BHMT: variants seen among roughly 807,000 people sequenced by gnomAD.
The protein encoded by BHMT is betaine--homocysteine S-methyltransferase.
In BHMT, 38 loss-of-function variants were observed where a neutral mutation model predicts 49.5. That is an observed-to-expected ratio of 0.77 (90% CI 0.59 to 1.01). The LOEUF is 1.01. Ranked by LOEUF, BHMT falls within the 50% of genes least tolerant of loss-of-function variation. The probability of loss-of-function intolerance (pLI) is 0.00; values close to 1 mark genes in which losing one functional copy is unlikely to be tolerated. For missense variants in BHMT, 426 were observed against 495.7 expected (o/e 0.86, Z 1.34); for synonymous variants, 166 against 176.3 (o/e 0.94, Z 0.46).
At chr5:79,119,207 A>G (rs1335893656) in intron 2 of BHMT, 52 bp from the exon 3 acceptor site, 1 of 1,368,296 alleles carries the variant, frequency 7.3e-7, no homozygotes, top group Non-Finnish European at 1.0e-6. Flanking sequence ...CCATTTGAAA[A>G]TATCGTGTGT....
chr5:79,119,536 G>C, intron 3 of BHMT, 159 bp downstream of exon 3: 1 of 507,486 alleles, frequency 2.0e-6, no homozygotes, highest in Non-Finnish European at 3.4e-6. Context: ...GTTTTATTTA[G>C]CTGGAATCCC....
rs192668223 is a variant in BHMT at position 79,114,189 on chromosome 5, A to G, written c.34-1578A>G. Among the ~76,000 whole-genome samples, 34 of 151,820 alleles carry G rather than the reference A, an allele frequency of 2.2e-4. No homozygotes were observed. In the East Asian group the frequency reaches 6.0e-3, roughly 27 times the overall value. On this transcript the variant is annotated intron_variant, in intron 1 of 7. Transcript: ENST00000274353. Reference sequence around the variant, plus strand: ...CAGTTTTCAGATGTGACATTTAGATACATTGCAATCATGACAAATATTTGG... The same window carrying G: ...CAGTTTTCAGATGTGACATTTAGATGCATTGCAATCATGACAAATATTTGG...
intron 1 of BHMT, 22 bp from the exon 2 acceptor site, chr5:79,115,745 C>T: frequency 6.4e-7 from 1 of 1,570,750 alleles, no homozygotes; most frequent in Non-Finnish European, 8.6e-7. Flanking sequence ...AACTCCTTTT[C>T]CTCCCTCATC....
At position 79,131,385 on chromosome 5, in the gene BHMT, T is replaced by A. The variant is rs585800; in HGVS notation, c.*269T>A. On this transcript the variant is annotated 3_prime_UTR_variant, in exon 8 of 8. Transcript: ENST00000274353. The stretch of plus-strand genomic sequence containing the variant: ...TGAAAAGTATTATGGAAATCACTGC[T>A]GCACAGGAAAAGTAATTCAGATGTT... The A allele has an allele frequency of 0.79, 250,950 of 319,430 alleles. 100,039 individuals are homozygous for A. Among genetic ancestry groups the A allele is most frequent in the African/African-American group, 0.95 (44,255 of 46,454 alleles). The allele number at this position is 319,430 out of a possible 1,614,324, so 19.8% of individuals were successfully genotyped here.
At chr5:79,120,951 G>GA (rs1756458564) in intron 4 of BHMT, among the ~76,000 whole-genome samples, 1 of 151,988 alleles carries the variant, frequency 6.6e-6, no homozygotes, top group African/African-American at 2.4e-5. Flanking sequence ...AGGAGTTTGA[G>GA]AACAGCCTGG....
intron 4 of BHMT, 109 bp downstream of exon 4, chr5:79,120,650 A>G (rs1756453797): frequency 2.0e-6 from 2 of 990,642 alleles, no homozygotes; most frequent in Non-Finnish European, 2.8e-6. Context: ...AACTAGCAAT[A>G]GTAATATTTA....
chr5:79,115,291 T>A (rs1485563767), intron 1 of BHMT, among the ~76,000 whole-genome samples: 1 of 150,212 alleles, frequency 6.7e-6, no homozygotes, highest in Admixed American at 6.6e-5. Flanking sequence ...CATAGTGAGA[T>A]GCTGTCTCTA....
At chr5:79,119,421 C>G (rs967164768) in intron 3 of BHMT, 44 bp downstream of exon 3, 3 of 1,470,994 alleles carry the variant, frequency 2.0e-6, no homozygotes, top group African/African-American at 2.8e-5. Flanking sequence ...ATATTGTCGA[C>G]CTATTGCATC....
rs746214231 is a variant in BHMT at position 79,111,895 on chromosome 5, G to A, written c.10G>A (p.Val4Ile). Reference protein sequence around the residue: MPPVGGKKAKKGIL... With the variant: MPPIGGKKAKKGIL... ...TCTGGACACCACGAAGATGCCACCC[G>A]TTGGGGGCAAAAAGGCCAAGAAGGT... The change falls in exon 1 of 8, where the codon GTT (valine) becomes ATT (isoleucine). Residue 4 changes from valine to isoleucine, a missense_variant. Transcript: ENST00000274353. 3 of 1,611,670 alleles carry A rather than the reference G, an allele frequency of 1.9e-6. No homozygotes were observed. The highest frequency in any genetic ancestry group is 2.2e-5 in the East Asian group (1 of 44,626).
chr5:79,127,678 C>G, intron 6 of BHMT, 77 bp from the exon 7 acceptor site: 3 of 1,487,544 alleles, frequency 2.0e-6, no homozygotes, highest in South Asian at 2.6e-5. Context: ...TTGAAAATTA[C>G]ATACTTGTAG....
chr5:79,115,936 A>T (rs376169567), intron 2 of BHMT, 37 bp downstream of exon 2: 66 of 1,570,410 alleles, frequency 4.2e-5, no homozygotes, highest in Non-Finnish European at 5.5e-5. Flanking sequence ...CTCATAAAGG[A>T]GCCGGGTGTG....
rs142244368 is a variant in BHMT at position 79,124,832 on chromosome 5, T to C, written c.626-1214T>C. On this transcript the variant is annotated intron_variant, in intron 5 of 7. Coordinates refer to ENST00000274353, the MANE Select transcript of BHMT (RefSeq NM_001713.3). ...AATGATTGATAGGCTAGTAACCACA[T>C]TGAGTAGCTGAAGTCAAAGGATTTT... 2.0e-5 allele frequency among the ~76,000 whole-genome samples: 3 copies of C among 152,288 alleles called. No homozygotes were observed. The East Asian group carries it at 5.8e-4, about 29-fold the overall frequency.
At chr5:79,114,720 A>C (rs1756359424) in intron 1 of BHMT, among the ~76,000 whole-genome samples, 2 of 152,196 alleles carry the variant, frequency 1.3e-5, no homozygotes, top group African/African-American at 4.8e-5. Context: ...AGGAAGCCCT[A>C]TGCTCCCCAT....
intron 1 of BHMT, among the ~76,000 whole-genome samples, chr5:79,114,085 G>GTA (rs60812751): frequency 0.11 from 16,329 of 145,888 alleles, 937 homozygotes; most frequent in African/African-American, 0.13. Flanking sequence ...GCTGGCAGTA[G>GTA]TATATATATA....
At chr5:79,125,940 CT>C in intron 5 of BHMT, 105 bp from the exon 6 acceptor site, 2 of 1,199,970 alleles carry the variant, frequency 1.7e-6, no homozygotes, top group South Asian at 3.1e-5. Flanking sequence ...GAGATTGTGT[CT>C]CAAAAAATGA....
chr5:79,121,061 G>A lies in BHMT; in HGVS notation c.478-157G>A, dbSNP rs1283628848. 6.0e-6 allele frequency: 5 copies of A among 835,390 alleles called. No individual in the cohort carries two copies. The African/African-American group carries it at 7.0e-5, about 12-fold the overall frequency. The allele number at this position is 835,390 out of a possible 1,614,324, so 51.7% of individuals were successfully genotyped here. The stretch of plus-strand genomic sequence containing the variant: ...AGCTACTTGGGAGGCGGAGGCAGGA[G>A]AATTGCTTGAAACTGGGAGGCAAAT... On this transcript the variant is annotated intron_variant, in intron 4 of 7. Coordinates refer to ENST00000274353, the MANE Select transcript of BHMT (RefSeq NM_001713.3).
chr5:79,123,985 A>C (rs1561254728), intron 5 of BHMT, among the ~76,000 whole-genome samples: 3 of 152,216 alleles, frequency 2.0e-5, no homozygotes. Flanking sequence ...CAAACATGCC[A>C]TAACAGGGAT....
chr5:79,118,702 G>A (rs933004668), intron 2 of BHMT, among the ~76,000 whole-genome samples: 3 of 152,086 alleles, frequency 2.0e-5, no homozygotes, highest in African/African-American at 2.4e-5. Context: ...GCCTGTTCCC[G>A]CTTTATTATC....
rs945581573 is a variant in BHMT at position 79,125,930 on chromosome 5, G to C, written c.626-116G>C. ...TGCACTCCAGCCTGGGCAACAGAGT[G>C]AGATTGTGTCTCAAAAAATGAAAAA... On this transcript the variant is annotated intron_variant, in intron 5 of 7. Transcript: ENST00000274353. 6.6e-6 allele frequency: 7 copies of C among 1,059,046 alleles called. No individual in the cohort carries two copies. The African/African-American group carries it at 1.1e-4, about 17-fold the overall frequency. 65.6% of individuals were successfully genotyped at this position (1,059,046 alleles called of 1,614,324 possible).
Sources: allele counts gnomAD v4.1 joint callset (sites outside exome capture counted in the v4.1 genomes callset), GRCh38; gene constraint gnomAD v4.1.1; transcripts MANE v1.5; gene names NCBI Gene and HGNC (gene_info 2026-07-23, HGNC 2026-07-21).